Variants in AKAP6 observed in about 807,000 individuals in gnomAD.
AKAP6 encodes the protein A-kinase anchor protein 6.
A neutral mutation model predicts 188.5 loss-of-function variants in AKAP6; 58 were observed. That is an observed-to-expected ratio of 0.31 (90% CI 0.25 to 0.38). The LOEUF (loss-of-function observed/expected upper bound fraction) is 0.38. AKAP6 is among the 10% of genes least tolerant of loss of function. AKAP6 has a pLI of 1.00. For missense variants in AKAP6, 2,710 were observed against 2,740.0 expected (o/e 0.99, Z 0.24); for synonymous variants, 989 against 998.6 (o/e 0.99, Z 0.18).
At chr14:32,519,447 C>T (rs527887704) in intron 2 of AKAP6, among the ~76,000 whole-genome samples, 1 of 152,146 alleles carries the variant, frequency 6.6e-6, no homozygotes, top group South Asian at 2.1e-4. Context: ...ATTCAGGAGA[C>T]CCATCTCACA....
intron 12 of AKAP6, among the ~76,000 whole-genome samples, chr14:32,786,296 A>ATGGTTTTTTTT: frequency 4.3e-5 from 4 of 93,706 alleles, no homozygotes; most frequent in African/African-American, 1.6e-4. Flanking sequence ...CTAAACCTTT[A>ATGGTTTTTTTT]TCTTTTTTTT....
intron 9 of AKAP6, among the ~76,000 whole-genome samples, chr14:32,714,575 G>A (rs2030083691): frequency 6.6e-6 from 1 of 151,534 alleles, no homozygotes; most frequent in Non-Finnish European, 1.5e-5. Context: ...TTTTTCAGTG[G>A]CAGATAACTT....
rs769344173 is a variant in AKAP6, at chr14:32,821,443, T to C, written c.3630T>C (p.Asn1210=). The C allele has an allele frequency of 3.1e-6, 5 of 1,613,104 alleles. No individual in the cohort carries two copies. In the East Asian group the frequency reaches 1.1e-4, roughly 36 times the overall value. Residue 1210 remains asparagine, a synonymous_variant, in exon 13 of 14, where the codon AAT becomes AAC. Transcript: ENST00000280979. ...TTGATCCTGGCTTGATGGACCTAAA[T>C]GGGATGAGTGAGGATGCCCTGGAAT... The part of the protein sequence containing the change: ...NVIDPGLMDL[N]GMSEDALEWD...
At chr14:32,348,408 C>CTTTTTTTTTTTT (rs1235466012) in intron 1 of AKAP6, among the ~76,000 whole-genome samples, 3 of 88,730 alleles carry the variant, frequency 3.4e-5, no homozygotes, top group Non-Finnish European at 5.8e-5. Context: ...TCTTTCTTTT[C>CTTTTTTTTTTTT]TTTTGTTTCT....
intron 7 of AKAP6, among the ~76,000 whole-genome samples, chr14:32,620,391 T>C (rs1257439714): frequency 2.0e-5 from 3 of 152,126 alleles, no homozygotes; most frequent in Admixed American, 6.5e-5. Flanking sequence ...CTGGATTTCA[T>C]TGAATGTTTT....
chr14:32,529,966 T>G (rs1882326495), intron 2 of AKAP6, among the ~76,000 whole-genome samples: 1 of 66,604 alleles, frequency 1.5e-5, no homozygotes, highest in Non-Finnish European at 2.8e-5. Flanking sequence ...AAAGAAACTT[T>G]TTTTTTTTTT....
At chr14:32,660,244 A>G (rs1888630026) in intron 7 of AKAP6, among the ~76,000 whole-genome samples, 2 of 152,158 alleles carry the variant, frequency 1.3e-5, no homozygotes, top group African/African-American at 4.8e-5. Flanking sequence ...AATGTGACAG[A>G]TGTGCATATC....
intron 12 of AKAP6, among the ~76,000 whole-genome samples, chr14:32,798,232 A>C (rs922421597): frequency 6.6e-6 from 1 of 152,244 alleles, no homozygotes; most frequent in Non-Finnish European, 1.5e-5. Context: ...ATTATTAAAA[A>C]GTCAAAAAAT....
chr14:32,767,847 G>A (rs1227060976), intron 11 of AKAP6, among the ~76,000 whole-genome samples: 2 of 151,968 alleles, frequency 1.3e-5, no homozygotes, highest in Non-Finnish European at 2.9e-5. Flanking sequence ...CTTACATTTG[G>A]GTCATGGCCT....
At chr14:32,798,179 C>T (rs575354920) in intron 12 of AKAP6, among the ~76,000 whole-genome samples, 1 of 147,914 alleles carries the variant, frequency 6.8e-6, no homozygotes, top group African/African-American at 2.5e-5. Flanking sequence ...AAATGCAAAT[C>T]AAAACCACAA....
intron 2 of AKAP6, among the ~76,000 whole-genome samples, chr14:32,510,451 CAT>C (rs33924445): frequency 2.8e-4 from 10 of 35,782 alleles, no homozygotes; most frequent in African/African-American, 7.6e-4. Flanking sequence ...TATATATATA[CAT>C]ATATATGTGT....
At chr14:32,344,702 A>C (rs10131096) in intron 1 of AKAP6, among the ~76,000 whole-genome samples, 1 of 151,908 alleles carries the variant, frequency 6.6e-6, no homozygotes, top group African/African-American at 2.4e-5. Flanking sequence ...GATCACTTGA[A>C]GTCAGGAGTT....
chr14:32,756,147 G>A (rs1284418827), intron 11 of AKAP6, among the ~76,000 whole-genome samples: 1 of 152,004 alleles, frequency 6.6e-6, no homozygotes, highest in Non-Finnish European at 1.5e-5. Context: ...GATCATGCCT[G>A]GAGCTAGGTC....
At chr14:32,386,635 T>C (rs1260870532) in intron 1 of AKAP6, among the ~76,000 whole-genome samples, 1 of 152,198 alleles carries the variant, frequency 6.6e-6, no homozygotes, top group African/African-American at 2.4e-5. Context: ...TTATCTTTGT[T>C]TTTATTGCAT....
chr14:32,432,765 C>A (rs1367532134), intron 1 of AKAP6, among the ~76,000 whole-genome samples: 1 of 152,156 alleles, frequency 6.6e-6, no homozygotes, highest in African/African-American at 2.4e-5. Flanking sequence ...TTGAATATTT[C>A]TAGTAGAAAA....
intron 2 of AKAP6, among the ~76,000 whole-genome samples, chr14:32,497,599 T>C (rs533387290): frequency 2.6e-5 from 4 of 152,232 alleles, no homozygotes; most frequent in African/African-American, 9.6e-5. Context: ...TCTACTGTTT[T>C]GGTTGACTCT....
chr14:32,454,387 C>G lies in AKAP6; in HGVS notation c.324+20570C>G, dbSNP rs545131765. On this transcript the variant is annotated intron_variant, in intron 2 of 13. Coordinates refer to ENST00000280979, the MANE Select transcript of AKAP6 (RefSeq NM_004274.5). ...AGCGAGTCATGTGCTAGAACACAAC[C>G]GATGAGAATGCTTGTCCTTCTATAG... Among the ~76,000 whole-genome samples, 6 of 152,244 alleles carry G rather than the reference C, an allele frequency of 3.9e-5. 1 individual carries two copies. The South Asian group carries it at 1.2e-3, about 32-fold the overall frequency.
intron 7 of AKAP6, among the ~76,000 whole-genome samples, chr14:32,611,255 T>C (rs1384287212): frequency 6.6e-6 from 1 of 152,140 alleles, no homozygotes; most frequent in East Asian, 1.9e-4. Flanking sequence ...GGAATAGCTT[T>C]GAAAGGGAAG....
chr14:32,394,080 A>G (rs1359764704), intron 1 of AKAP6, among the ~76,000 whole-genome samples: 1 of 152,198 alleles, frequency 6.6e-6, no homozygotes, highest in African/African-American at 2.4e-5. Flanking sequence ...AATATAGTGC[A>G]TGAATTCTGC....
Sources: allele counts gnomAD v4.1 joint callset (sites outside exome capture counted in the v4.1 genomes callset), GRCh38; gene constraint gnomAD v4.1.1; transcripts MANE v1.5; gene names NCBI Gene and HGNC (gene_info 2026-07-23, HGNC 2026-07-21).